GFRA1: variants seen among roughly 807,000 people sequenced by gnomAD.
GFRA1 encodes the protein GDNF family receptor alpha-1.
Under a neutral mutation model 51.6 loss-of-function variants are expected in GFRA1, and 16 were observed. The ratio of observed to expected loss-of-function variants is 0.31; its 90% CI spans 0.21 to 0.47. The LOEUF (loss-of-function observed/expected upper bound fraction) is 0.47, where lower values mean the gene tolerates loss of function less well. Ranked by LOEUF, GFRA1 falls within the 20% of genes least tolerant of loss-of-function variation. The pLI, the probability that GFRA1 is intolerant of heterozygous loss-of-function variation, is 1.00. For synonymous variants in GFRA1, 270 were observed against 241.3 expected (o/e 1.12, Z -1.10); for missense variants, 530 against 594.3 (o/e 0.89, Z 1.13).
Position 116,241,732 on chromosome 10 carries a change from C to G in GFRA1, c.418+27771G>C, listed in dbSNP as rs1054857792. ...AGACTGACGCTTTTGTTGTTATGTA[C>G]AGGATTGGGCTGCAATGGCTGGACT... On this transcript the variant is annotated intron_variant, in intron 4 of 10. Coordinates refer to ENST00000355422, the MANE Select transcript of GFRA1 (RefSeq NM_005264.8). Among the ~76,000 whole-genome samples, 19 of 152,152 alleles carry G rather than the reference C, an allele frequency of 1.2e-4. 1 individual carries two copies. The highest frequency in any genetic ancestry group is 2.8e-4 in the Non-Finnish European group (19 of 68,020).
At chr10:116,254,785 A>G (rs2134719367) in intron 4 of GFRA1, among the ~76,000 whole-genome samples, 1 of 152,328 alleles carries the variant, frequency 6.6e-6, no homozygotes, top group East Asian at 1.9e-4. Flanking sequence ...ACCTTGTCAC[A>G]GGAAGAATAT....
At chr10:116,259,782 A>C (rs1253206007) in intron 4 of GFRA1, among the ~76,000 whole-genome samples, 1 of 152,214 alleles carries the variant, frequency 6.6e-6, no homozygotes, top group African/African-American at 2.4e-5. Flanking sequence ...AGTGAATCTA[A>C]GCTCTTCCAG....
chr10:116,138,096 C>T (rs1360186125), intron 5 of GFRA1, among the ~76,000 whole-genome samples: 6 of 152,082 alleles, frequency 3.9e-5, no homozygotes, highest in African/African-American at 7.2e-5. Flanking sequence ...TCACCGCGCC[C>T]GGCCTGTATG....
At position 116,259,282 on chromosome 10, in the gene GFRA1, A is replaced by G. The variant is rs1969122761; in HGVS notation, c.418+10221T>C. Among the ~76,000 whole-genome samples, 3 of 151,870 alleles carry G rather than the reference A, an allele frequency of 2.0e-5. No homozygotes were observed. The South Asian group carries it at 6.3e-4, about 32-fold the overall frequency. On this transcript the variant is annotated intron_variant, in intron 4 of 10. Transcript: ENST00000355422. ...CCAGCATGGTGGAAGACAAATGAAT[A>G]GCACATTAGGGCACCTTAAAGTGGG...
intron 5 of GFRA1, among the ~76,000 whole-genome samples, chr10:116,165,916 T>C (rs1304142835): frequency 6.6e-6 from 1 of 152,204 alleles, no homozygotes; most frequent in Non-Finnish European, 1.5e-5. Flanking sequence ...CTAGTATCCA[T>C]TGGTTATTTT....
intron 7 of GFRA1, among the ~76,000 whole-genome samples, chr10:116,094,701 A>G (rs1956501671): frequency 6.6e-6 from 1 of 152,210 alleles, no homozygotes; most frequent in African/African-American, 2.4e-5. Context: ...CACAAACAGA[A>G]AAATAATTTT....
rs78577569 is a variant in GFRA1 at position 116,139,413 on chromosome 10, A to G, written c.434-13856T>C. On this transcript the variant is annotated intron_variant, in intron 5 of 10. Transcript: ENST00000355422. Reference sequence around the variant, plus strand: ...AAGTAGGTTTAGGTAAAATGCATGCATTCTACCAAGGACTCCAGGCTTCAA... The same window carrying G: ...AAGTAGGTTTAGGTAAAATGCATGCGTTCTACCAAGGACTCCAGGCTTCAA... Among the ~76,000 whole-genome samples, 14 of 152,368 alleles carry G rather than the reference A, an allele frequency of 9.2e-5. No individual in the cohort carries two copies. In the East Asian group the frequency reaches 2.7e-3, roughly 29 times the overall value.
chr10:116,166,927 G>C (rs1441352303), intron 5 of GFRA1, among the ~76,000 whole-genome samples: 3 of 151,044 alleles, frequency 2.0e-5, no homozygotes, highest in Non-Finnish European at 4.4e-5. Context: ...AGCCTCCCGA[G>C]TAGCTGGGAC....
chr10:116,218,909 T>A (rs991959507), intron 4 of GFRA1, among the ~76,000 whole-genome samples: 1 of 152,196 alleles, frequency 6.6e-6, no homozygotes, highest in Non-Finnish European at 1.5e-5. Flanking sequence ...CCTTCACCTT[T>A]TATCATATTA....
chr10:116,214,561 T>G (rs1416784413), intron 4 of GFRA1, among the ~76,000 whole-genome samples: 1 of 152,182 alleles, frequency 6.6e-6, no homozygotes, highest in East Asian at 1.9e-4. Context: ...TGAGATTCAT[T>G]TAACCTTAAT....
chr10:116,205,248 G>T (rs1214040623), intron 5 of GFRA1, among the ~76,000 whole-genome samples: 4 of 152,038 alleles, frequency 2.6e-5, no homozygotes, highest in Non-Finnish European at 4.4e-5. Flanking sequence ...GAATACAGGG[G>T]CACACAAATA....
At chr10:116,106,594 G>A (rs76919825) in intron 6 of GFRA1, among the ~76,000 whole-genome samples, 5,192 of 151,588 alleles carry the variant, frequency 0.034, 288 homozygotes, top group African/African-American at 0.12. Context: ...GTAGGTTCTT[G>A]TGAGATCTGA....
At chr10:116,077,214 A>G (rs892781925) in intron 9 of GFRA1, among the ~76,000 whole-genome samples, 1 of 152,184 alleles carries the variant, frequency 6.6e-6, no homozygotes, top group East Asian at 1.9e-4. Context: ...AAATAGGCTT[A>G]TTCTAGCTAT....
At chr10:116,131,792 G>A (rs1958112821) in intron 5 of GFRA1, among the ~76,000 whole-genome samples, 1 of 151,934 alleles carries the variant, frequency 6.6e-6, no homozygotes, top group Admixed American at 6.6e-5. Context: ...TAACTTTCTG[G>A]GGGTGATGGT....
At position 116,125,400 on chromosome 10, in the gene GFRA1, C is replaced by G. The variant is rs780959193; in HGVS notation, c.591G>C (p.Arg197=). ...CNRRKCHKAL[R]QFFDKVPAKH... is the part of the protein sequence containing the mutation. Reference sequence around the variant, plus strand: ...TGGCCGGGACCTTGTCAAAGAACTGCCGGAGGGCCTTGTGGCACTTGCGGC... The same window carrying G: ...TGGCCGGGACCTTGTCAAAGAACTGGCGGAGGGCCTTGTGGCACTTGCGGC... Residue 197 remains arginine, a synonymous_variant, in exon 6 of 11, where the codon CGG becomes CGC. Coordinates refer to ENST00000355422, the MANE Select transcript of GFRA1 (RefSeq NM_005264.8). 1 of 1,614,122 alleles carries G rather than the reference C, an allele frequency of 6.2e-7. No homozygotes were observed. Among genetic ancestry groups the G allele is most frequent in the African/African-American group, 1.3e-5 (1 of 74,952 alleles).
chr10:116,205,160 A>C (rs866128556), intron 5 of GFRA1, among the ~76,000 whole-genome samples: 1 of 152,216 alleles, frequency 6.6e-6, no homozygotes, highest in African/African-American at 2.4e-5. Context: ...ACTGTCATGC[A>C]GCACATGACC....
At chr10:116,242,906 T>C (rs1462194564) in intron 4 of GFRA1, among the ~76,000 whole-genome samples, 1 of 152,224 alleles carries the variant, frequency 6.6e-6, no homozygotes, top group Non-Finnish European at 1.5e-5. Flanking sequence ...GATGTTTTGA[T>C]ATGCATAAAC....
chr10:116,065,141 C>G (rs1465854112), intron 10 of GFRA1, among the ~76,000 whole-genome samples: 1 of 152,024 alleles, frequency 6.6e-6, no homozygotes, highest in African/African-American at 2.4e-5. Context: ...CCACACACAG[C>G]AGAATTTTCG....
intron 4 of GFRA1, among the ~76,000 whole-genome samples, chr10:116,251,320 C>T (rs1388333369): frequency 6.6e-6 from 1 of 152,176 alleles, no homozygotes; most frequent in Non-Finnish European, 1.5e-5. Flanking sequence ...CTCCGAAGAG[C>T]ACATGGCAGG....
Sources: allele counts gnomAD v4.1 joint callset (sites outside exome capture counted in the v4.1 genomes callset), GRCh38; gene constraint gnomAD v4.1.1; transcripts MANE v1.5; gene names NCBI Gene and HGNC (gene_info 2026-07-23, HGNC 2026-07-21).